COQ7: variants seen among roughly 807,000 people sequenced by gnomAD.
COQ7 encodes the protein coenzyme Q7, hydroxylase.
COQ7 carries 21 observed loss-of-function variants against 25.0 expected under a neutral mutation model. The ratio of observed to expected loss-of-function variants is 0.84; its 90% CI spans 0.60 to 1.21. COQ7 has a LOEUF of 1.21. COQ7 is among the 50% of genes most tolerant of loss of function. COQ7 has a pLI of 0.00. For missense variants in COQ7, 311 were observed against 296.2 expected, an observed-to-expected ratio of 1.05 and a Z score of -0.37; for synonymous variants, 125 against 112.4, an observed-to-expected ratio of 1.11 and a Z score of -0.71.
At chr16:19,073,877 C>A in intron 2 of COQ7, 44 bp from the exon 3 acceptor site, 2 of 1,460,390 alleles carry the variant, frequency 1.4e-6, no homozygotes. Flanking sequence ...AGTGGGAGGC[C>A]TCTATGGAAT....
At chr16:19,069,466 A>G (rs1427620861) in intron 1 of COQ7, among the ~76,000 whole-genome samples, 1 of 138,008 alleles carries the variant, frequency 7.2e-6, no homozygotes, top group Non-Finnish European at 1.5e-5. Flanking sequence ...GCTGGAGTGC[A>G]GTGGCGCGAT....
intron 3 of COQ7, among the ~76,000 whole-genome samples, chr16:19,075,418 T>C (rs1962781711): frequency 8.5e-6 from 1 of 117,628 alleles, no homozygotes; most frequent in South Asian, 3.3e-4. Context: ...CAGGTTGGTC[T>C]CGAACTCCTG....
chr16:19,072,953 T>C (rs1962639362), intron 2 of COQ7, among the ~76,000 whole-genome samples: 1 of 152,134 alleles, frequency 6.6e-6, no homozygotes, highest in Admixed American at 6.6e-5. Flanking sequence ...AATGGATCGC[T>C]TGAGCCCAGG....
Position 19,078,175 on chromosome 16 carries a change from C to T in COQ7, c.*17C>T, listed in dbSNP as rs780086359. On this transcript the variant is annotated 3_prime_UTR_variant, in exon 6 of 6. Transcript: ENST00000321998. ...AGATTATAAAGTGTGTCCAGTTTTG[C>T]CTGTCTATAAAAGATGATAGTAATT... The T allele has an allele frequency of 6.2e-7, 1 of 1,600,044 alleles. No individual in the cohort carries two copies. Among genetic ancestry groups the T allele is most frequent in the Non-Finnish European group, 8.5e-7 (1 of 1,171,410 alleles).
intron 4 of COQ7, among the ~76,000 whole-genome samples, chr16:19,076,376 T>G (rs1962840616): frequency 6.6e-6 from 1 of 151,306 alleles, no homozygotes; most frequent in African/African-American, 2.4e-5. Flanking sequence ...ATTATAGGCA[T>G]GAACCACCAC....
At chr16:19,068,707 T>G (rs1403369946) in intron 1 of COQ7, 1 of 233,384 alleles carries the variant, frequency 4.3e-6, no homozygotes, top group East Asian at 1.4e-4. Flanking sequence ...TTCTCAACGT[T>G]AAATTACCGT....
chr16:19,068,608 C>A, intron 1 of COQ7: 1 of 212,168 alleles, frequency 4.7e-6, no homozygotes. Flanking sequence ...GGCGAGATTG[C>A]ACCACTGCAC....
At chr16:19,076,709 G>C (rs899310946) in intron 4 of COQ7, among the ~76,000 whole-genome samples, 2 of 149,430 alleles carry the variant, frequency 1.3e-5, no homozygotes, top group Admixed American at 1.4e-4. Context: ...CTCCTGCCTC[G>C]GCGTCCCAGG....
In COQ7 at chr16:19,080,002, C is replaced by G. The variant is rs1963054496; in HGVS notation, c.*1844C>G. On this transcript the variant is annotated 3_prime_UTR_variant, in exon 6 of 6. Coordinates refer to ENST00000321998, the MANE Select transcript of COQ7 (RefSeq NM_016138.5). ...AAAAATTAATCTTACAAAATAAATG[C>G]TGTGTGTGAACACGTTGATTAAATT... is the stretch of plus-strand genomic sequence containing the variant. 1 of 152,228 alleles carries G rather than the reference C, an allele frequency of 6.6e-6. No individual in the cohort carries two copies. Among genetic ancestry groups the G allele is most frequent in the Non-Finnish European group, 1.5e-5 (1 of 68,048 alleles). The allele number at this position is 152,228 out of a possible 1,614,324, so 9.4% of individuals were successfully genotyped here.
intron 1 of COQ7, among the ~76,000 whole-genome samples, chr16:19,070,692 G>A (rs992672508): frequency 2.6e-5 from 4 of 151,946 alleles, no homozygotes; most frequent in African/African-American, 7.3e-5. Flanking sequence ...TGGAGTTTGC[G>A]GTGAGCCAAG....
chr16:19,067,672 G>T lies in COQ7; in HGVS notation c.8G>T (p.Cys3Phe). The change falls in exon 1 of 6, where the codon TGC (cysteine) becomes TTC (phenylalanine). Residue 3 changes from cysteine (C) to phenylalanine (F), a missense_variant. Transcript: ENST00000321998. MS[C>F]AGAAAAPRLW... Reference sequence around the variant, plus strand: ...CTTTTTTTAGTTCCGGCAATGAGTTGCGCCGGGGCGGCGGCGGCTCCCCGC... The same window carrying T: ...CTTTTTTTAGTTCCGGCAATGAGTTTCGCCGGGGCGGCGGCGGCTCCCCGC... The T allele has an allele frequency of 6.2e-7, 1 of 1,612,714 alleles. No individual in the cohort carries two copies. Among genetic ancestry groups the T allele is most frequent in the Non-Finnish European group, 8.5e-7 (1 of 1,179,418 alleles).
chr16:19,076,742 C>T (rs1260699457), intron 4 of COQ7, among the ~76,000 whole-genome samples: 2 of 151,966 alleles, frequency 1.3e-5, no homozygotes, highest in East Asian at 3.9e-4. Flanking sequence ...CAGACATGCA[C>T]CACCACGCCC....
At chr16:19,081,952 C>T (rs530566219), downstream of COQ7, among the ~76,000 whole-genome samples, 8 of 152,042 alleles carry the variant, frequency 5.3e-5, no homozygotes, top group East Asian at 7.7e-4. Flanking sequence ...CTAGAGGAGG[C>T]GGAGGTTGCC....
At chr16:19,068,302 G>C (rs1460171287) in intron 1 of COQ7, 1 of 990,728 alleles carries the variant, frequency 1.0e-6, no homozygotes, top group African/African-American at 1.7e-5. Context: ...AGAGTAGAGA[G>C]ACATGGTTTT....
At chr16:19,082,633 A>T (rs1963115986), downstream of COQ7, among the ~76,000 whole-genome samples, 1 of 151,970 alleles carries the variant, frequency 6.6e-6, no homozygotes, top group Non-Finnish European at 1.5e-5. Flanking sequence ...AAACTACAAA[A>T]ATTAGCCGGG....
At position 19,074,040 on chromosome 16, in the gene COQ7, G is replaced by C. The variant is rs754900287; in HGVS notation, c.367+5G>C. 3 of 1,606,876 alleles carry C rather than the reference G, an allele frequency of 1.9e-6. No individual in the cohort carries two copies. The highest frequency in any genetic ancestry group is 1.7e-6 in the Non-Finnish European group (2 of 1,174,660). ...ACGTGCTGGGGTTTGCACTGGGTAC[G>C]TGTCTCTCTAGAAGAGCTTATGCAA... On this transcript the variant is annotated splice_donor_5th_base_variant and intron_variant, in intron 3 of 5. Transcript: ENST00000321998.
At chr16:19,071,665 C>T (rs910435953) in intron 1 of COQ7, 6 of 461,340 alleles carry the variant, frequency 1.3e-5, no homozygotes, top group Admixed American at 3.5e-5. Flanking sequence ...CATCTAGAAG[C>T]GGTTGCCATG....
At chr16:19,075,899 G>T (rs563696512) in intron 4 of COQ7, 39 bp downstream of exon 4, 1 of 1,613,332 alleles carries the variant, frequency 6.2e-7, no homozygotes, top group South Asian at 1.1e-5. Flanking sequence ...GCTCAAGGAG[G>T]AAAATGGCAG....
At chr16:19,073,506 CACA>C (rs952191385) in intron 2 of COQ7, among the ~76,000 whole-genome samples, 1 of 151,990 alleles carries the variant, frequency 6.6e-6, no homozygotes, top group Non-Finnish European at 1.5e-5. Context: ...ACAAACAAAC[CACA>C]ACAACAACAA....
Sources: allele counts gnomAD v4.1 joint callset (sites outside exome capture counted in the v4.1 genomes callset), GRCh38; gene constraint gnomAD v4.1.1; transcripts MANE v1.5; gene names NCBI Gene and HGNC (gene_info 2026-07-23, HGNC 2026-07-21).